LRRC4C: variants seen among roughly 807,000 people sequenced by gnomAD.
The protein encoded by LRRC4C is leucine-rich repeat-containing protein 4C.
Under a neutral mutation model 33.6 loss-of-function variants are expected in LRRC4C, and 5 were observed. The ratio of observed to expected loss-of-function variants is 0.15; its 90% CI spans 0.08 to 0.31. The LOEUF (loss-of-function observed/expected upper bound fraction) is 0.31. LRRC4C is among the 10% of genes least tolerant of loss of function. The probability of loss-of-function intolerance (pLI) is 1.00; values close to 1 mark genes in which losing one functional copy is unlikely to be tolerated. For synonymous variants in LRRC4C, 329 were observed against 302.0 expected (o/e 1.09, Z -0.93); for missense variants, 560 against 796.7 (o/e 0.70, Z 3.58).
At chr11:40,451,708 A>G (rs998583911) in intron 3 of LRRC4C, among the ~76,000 whole-genome samples, 1 of 152,082 alleles carries the variant, frequency 6.6e-6, no homozygotes. Flanking sequence ...AGGGAAAACT[A>G]TGAACAACTG....
At position 40,244,324 on chromosome 11, in the gene LRRC4C, C is replaced by T. The variant is rs537241608; in HGVS notation, c.-175-2726G>A. On this transcript the variant is annotated intron_variant, in intron 4 of 6. Transcript: ENST00000528697. ...TCTGAGCTCTCAGTCTCTCAATCCT[C>T]TGTGTCCTCTCTCTCCCAAAGCACA... Among the ~76,000 whole-genome samples the T allele has an allele frequency of 7.8e-4, 119 of 152,194 alleles. No individual in the cohort carries two copies. In the South Asian group the frequency reaches 8.9e-3, roughly 11 times the overall value.
chr11:40,125,755 C>T (rs1394741523), intron 6 of LRRC4C, among the ~76,000 whole-genome samples: 1 of 152,150 alleles, frequency 6.6e-6, no homozygotes, highest in Non-Finnish European at 1.5e-5. Context: ...AATCATTTAT[C>T]TGGACATCTC....
chr11:41,349,747 C>T (rs964809093), intron 1 of LRRC4C, among the ~76,000 whole-genome samples: 1 of 152,182 alleles, frequency 6.6e-6, no homozygotes, highest in Admixed American at 6.5e-5. Flanking sequence ...TCCGGCAACT[C>T]TAAATGCCAC....
chr11:41,137,933 T>A (rs1943335702), intron 1 of LRRC4C, among the ~76,000 whole-genome samples: 2 of 152,214 alleles, frequency 1.3e-5, no homozygotes, highest in Non-Finnish European at 2.9e-5. Flanking sequence ...AAGGGCTAGA[T>A]GATATACTAG....
At chr11:40,920,392 G>A (rs1957122238) in intron 2 of LRRC4C, among the ~76,000 whole-genome samples, 1 of 152,070 alleles carries the variant, frequency 6.6e-6, no homozygotes, top group Non-Finnish European at 1.5e-5. Context: ...TTAAATAAAA[G>A]CATTTTAATT....
At chr11:40,560,467 TG>T (rs1957505770) in intron 3 of LRRC4C, among the ~76,000 whole-genome samples, 1 of 152,034 alleles carries the variant, frequency 6.6e-6, no homozygotes, top group Non-Finnish European at 1.5e-5. Flanking sequence ...TGTGTGTGTG[TG>T]TTATCTGTAT....
At chr11:40,835,865 C>G (rs1952646610) in intron 2 of LRRC4C, among the ~76,000 whole-genome samples, 1 of 152,098 alleles carries the variant, frequency 6.6e-6, no homozygotes, top group South Asian at 2.1e-4. Flanking sequence ...AATACAATGT[C>G]AATTAAATTT....
chr11:41,237,038 C>T (rs1347236824), intron 1 of LRRC4C, among the ~76,000 whole-genome samples: 1 of 152,180 alleles, frequency 6.6e-6, no homozygotes, highest in East Asian at 1.9e-4. Context: ...AACTACAGTG[C>T]TTGCTCATAA....
intron 2 of LRRC4C, among the ~76,000 whole-genome samples, chr11:40,760,798 TATACACACACACACAC>T (rs1949172499): frequency 7.0e-6 from 1 of 142,576 alleles, no homozygotes; most frequent in Admixed American, 7.3e-5. Context: ...TATATATATA[TATACACACACACACAC>T]ACACACACAT....
intron 2 of LRRC4C, among the ~76,000 whole-genome samples, chr11:40,686,435 GC>G (rs1944958075): frequency 6.6e-6 from 1 of 152,048 alleles, no homozygotes; most frequent in African/African-American, 2.4e-5. Context: ...CACTGGGGCA[GC>G]TTTTAAAATG....
At chr11:40,370,780 T>C (rs1438980232) in intron 3 of LRRC4C, among the ~76,000 whole-genome samples, 1 of 152,228 alleles carries the variant, frequency 6.6e-6, no homozygotes, top group Non-Finnish European at 1.5e-5. Context: ...CTCAAGAGTT[T>C]ATTTTCCATG....
chr11:40,437,241 T>C (rs1951179560), intron 3 of LRRC4C, among the ~76,000 whole-genome samples: 1 of 152,184 alleles, frequency 6.6e-6, no homozygotes, highest in African/African-American at 2.4e-5. Flanking sequence ...ACCTGCATCA[T>C]TGTTTCACAT....
Position 41,343,004 on chromosome 11 carries a change from C to A in LRRC4C, c.-496+116427G>T, listed in dbSNP as rs181116501. Among the ~76,000 whole-genome samples the A allele has an allele frequency of 3.2e-3, 485 of 152,328 alleles. 10 individuals carry two copies. Among genetic ancestry groups the A allele is most frequent in the Non-Finnish European group, 4.1e-4 (28 of 68,028 alleles). ...TTCCTTGTGTTAACATAACTCCAGT[C>A]TCTACCTTTGTCTTCAAATTGCCCT... On this transcript the variant is annotated intron_variant, in intron 1 of 6. Transcript: ENST00000528697.
At chr11:40,348,796 C>CA (rs1371631688) in intron 3 of LRRC4C, among the ~76,000 whole-genome samples, 9 of 152,072 alleles carry the variant, frequency 5.9e-5, no homozygotes, top group Non-Finnish European at 1.2e-4. Flanking sequence ...CTAGTGAAGA[C>CA]ACAAAGTAAA....
chr11:41,221,669 G>A (rs909082278), intron 1 of LRRC4C, among the ~76,000 whole-genome samples: 1 of 152,138 alleles, frequency 6.6e-6, no homozygotes, highest in African/African-American at 2.4e-5. Context: ...ATCAATGATT[G>A]ACTGGATAAA....
At chr11:40,799,660 G>C (rs1260142961) in intron 2 of LRRC4C, among the ~76,000 whole-genome samples, 2 of 152,158 alleles carry the variant, frequency 1.3e-5, no homozygotes, top group Non-Finnish European at 2.9e-5. Context: ...AGTAGAGAAG[G>C]GGTTTTGCCA....
intron 3 of LRRC4C, among the ~76,000 whole-genome samples, chr11:40,485,840 G>T (rs1193757479): frequency 6.6e-6 from 1 of 152,022 alleles, no homozygotes; most frequent in South Asian, 2.1e-4. Context: ...ATGAGATCAT[G>T]CCCTTTGCAG....
Position 41,297,491 on chromosome 11 carries a change from A to G in LRRC4C, c.-496+161940T>C, listed in dbSNP as rs1950175321. Among the ~76,000 whole-genome samples, 3 of 152,184 alleles carry G rather than the reference A, an allele frequency of 2.0e-5. No individual in the cohort carries two copies. In the South Asian group the frequency reaches 6.2e-4, roughly 32 times the overall value. On this transcript the variant is annotated intron_variant, in intron 1 of 6. Transcript: ENST00000528697. ...GCTAAGAATAAAAGAAATAAAGTTAATGAAGAAGAGGGTGGAACAAGTAGA... is the reference window on the plus strand; with the variant it reads ...GCTAAGAATAAAAGAAATAAAGTTAGTGAAGAAGAGGGTGGAACAAGTAGA...
intron 1 of LRRC4C, among the ~76,000 whole-genome samples, chr11:41,191,763 C>T (rs1945959428): frequency 1.3e-5 from 2 of 152,096 alleles, no homozygotes; most frequent in African/African-American, 2.4e-5. Flanking sequence ...TACTTTTGTC[C>T]ACTTTATTTA....
Sources: allele counts gnomAD v4.1 joint callset (sites outside exome capture counted in the v4.1 genomes callset), GRCh38; gene constraint gnomAD v4.1.1; transcripts MANE v1.5; gene names NCBI Gene and HGNC (gene_info 2026-07-23, HGNC 2026-07-21).